The following NTM variants were observed in gnomAD, a reference collection of about 807,000 sequenced individuals.
NTM encodes the protein neurotrimin, also known as IgLON family member 2.
Under a neutral mutation model 42.1 loss-of-function variants are expected in NTM, and 13 were observed. The ratio of observed to expected loss-of-function variants is 0.31; its 90% confidence interval spans 0.20 to 0.49. NTM has a LOEUF of 0.49. Ranked by LOEUF, NTM falls within the 20% of genes least tolerant of loss-of-function variation. The probability of loss-of-function intolerance (pLI) is 0.99; values close to 1 mark genes in which losing one functional copy is unlikely to be tolerated. For synonymous variants in NTM, 187 were observed against 179.2 expected (o/e 1.04, Z -0.35); for missense variants, 373 against 452.8 (o/e 0.82, Z 1.60).
chr11:131,752,682 A>G (rs2082718401), intron 1 of NTM, among the ~76,000 whole-genome samples: 1 of 152,202 alleles, frequency 6.6e-6, no homozygotes, highest in African/African-American at 2.4e-5. Flanking sequence ...AATGTGGCAC[A>G]TACATATGTA....
chr11:132,139,203 G>GA (rs1167423834), intron 2 of NTM, among the ~76,000 whole-genome samples: 1 of 152,144 alleles, frequency 6.6e-6, no homozygotes, highest in Non-Finnish European at 1.5e-5. Context: ...TCACCTAGGG[G>GA]AAAAAGGCTC....
chr11:132,162,188 A>AGTGTGTACGTGG (rs1555292482), intron 3 of NTM, among the ~76,000 whole-genome samples: 2 of 150,136 alleles, frequency 1.3e-5, no homozygotes, highest in Non-Finnish European at 3.0e-5. Flanking sequence ...TTTTGGGGGG[A>AGTGTGTACGTGG]GTGTGTATGT....
intron 2 of NTM, among the ~76,000 whole-genome samples, chr11:132,006,311 A>T (rs2070770094): frequency 6.6e-6 from 1 of 152,252 alleles, no homozygotes; most frequent in South Asian, 2.1e-4. Context: ...AAACAGTTTT[A>T]TTTGTTTGTG....
chr11:131,810,082 G>A lies in NTM; in HGVS notation c.83-101482G>A, dbSNP rs1166450709. 2.6e-5 allele frequency among the ~76,000 whole-genome samples: 4 copies of A among 152,004 alleles called. No individual in the cohort carries two copies. The East Asian group carries it at 5.8e-4, about 22-fold the overall frequency. The stretch of plus-strand genomic sequence containing the variant: ...TCATAATCTCTACAGCTGCCCATTC[G>A]TCTTCTCGAGAAAGAGGGTTCATTA... On this transcript the variant is annotated intron_variant, in intron 1 of 8. Coordinates refer to ENST00000683400, the MANE Select transcript of NTM (RefSeq NM_001352005.2).
intron 1 of NTM, among the ~76,000 whole-genome samples, chr11:131,845,226 CA>C (rs1484732098): frequency 6.6e-6 from 1 of 151,956 alleles, no homozygotes; most frequent in African/African-American, 2.4e-5. Flanking sequence ...TTTTTTTCCT[CA>C]AAGTTGATTA....
chr11:131,694,216 G>T (rs2075148358), intron 1 of NTM, among the ~76,000 whole-genome samples: 1 of 152,208 alleles, frequency 6.6e-6, no homozygotes, highest in African/African-American at 2.4e-5. Context: ...TCGCATAGGA[G>T]AATTGTTCAA....
chr11:132,018,010 G>GT (rs1209658450), intron 2 of NTM, among the ~76,000 whole-genome samples: 2 of 151,906 alleles, frequency 1.3e-5, no homozygotes, highest in African/African-American at 2.4e-5. Flanking sequence ...AGTTCTAATA[G>GT]TTTTTTGTGC....
intron 2 of NTM, among the ~76,000 whole-genome samples, chr11:132,024,544 A>T (rs1301049471): frequency 3.9e-5 from 6 of 152,040 alleles, no homozygotes; most frequent in African/African-American, 1.5e-4. Context: ...TTTGTTTTTG[A>T]ATAGTTTCGA....
At chr11:131,926,497 G>T (rs552247694) in intron 2 of NTM, among the ~76,000 whole-genome samples, 3 of 152,146 alleles carry the variant, frequency 2.0e-5, no homozygotes, top group Admixed American at 6.5e-5. Flanking sequence ...TCGGCAAGTG[G>T]AATGACCTAG....
chr11:131,660,328 G>A (rs928309564), intron 1 of NTM: 1 of 367,736 alleles, frequency 2.7e-6, no homozygotes, highest in Admixed American at 3.5e-5. Context: ...AGGATGAAGA[G>A]GGGGATGGAG....
intron 2 of NTM, among the ~76,000 whole-genome samples, chr11:132,048,824 T>C (rs896783212): frequency 8.5e-6 from 1 of 117,330 alleles, no homozygotes; most frequent in Non-Finnish European, 2.1e-5. Flanking sequence ...TTTTCTTTTT[T>C]TTTTTTTTTT....
intron 1 of NTM, among the ~76,000 whole-genome samples, chr11:131,395,076 G>T (rs1054266118): frequency 6.6e-6 from 1 of 152,132 alleles, no homozygotes. Flanking sequence ...GGCCAAGGTG[G>T]CAGTGGGAGC....
intron 1 of NTM, among the ~76,000 whole-genome samples, chr11:131,765,588 T>C (rs1316918183): frequency 6.6e-6 from 1 of 152,236 alleles, no homozygotes; most frequent in Non-Finnish European, 1.5e-5. Flanking sequence ...ACTTATCTCA[T>C]GTATAACATG....
chr11:132,237,761 G>T (rs1200969509), intron 4 of NTM, among the ~76,000 whole-genome samples: 1 of 152,202 alleles, frequency 6.6e-6, no homozygotes, highest in Non-Finnish European at 1.5e-5. Context: ...TCCGTAGCCA[G>T]AGGAAATCTG....
intron 2 of NTM, among the ~76,000 whole-genome samples, chr11:132,104,286 T>C (rs750477186): frequency 1.3e-5 from 2 of 152,210 alleles, no homozygotes; most frequent in African/African-American, 2.4e-5. Flanking sequence ...GTAGAAATTT[T>C]TGAGTGATGA....
intron 2 of NTM, among the ~76,000 whole-genome samples, chr11:131,942,553 A>G (rs2059909395): frequency 1.3e-5 from 2 of 152,088 alleles, no homozygotes; most frequent in South Asian, 4.1e-4. Context: ...GACACATAAC[A>G]TTGTCTCTGC....
intron 2 of NTM, among the ~76,000 whole-genome samples, chr11:132,116,227 C>A (rs1018364037): frequency 6.6e-6 from 1 of 152,176 alleles, no homozygotes; most frequent in Non-Finnish European, 1.5e-5. Context: ...CACTTCCACA[C>A]ACTCCATAGG....
intron 2 of NTM, among the ~76,000 whole-genome samples, chr11:132,138,762 C>G (rs572211685): frequency 3.8e-4 from 58 of 152,082 alleles, no homozygotes; most frequent in Non-Finnish European, 7.5e-4. Context: ...GAGTGAAGTG[C>G]CCTTCCTCCA....
At chr11:132,050,196 C>A (rs1248970936) in intron 2 of NTM, among the ~76,000 whole-genome samples, 2 of 152,116 alleles carry the variant, frequency 1.3e-5, no homozygotes, top group East Asian at 3.9e-4. Context: ...TTCTCTTTCT[C>A]GTATTGCTAT....
Sources: allele counts gnomAD v4.1 joint callset (sites outside exome capture counted in the v4.1 genomes callset), GRCh38; gene constraint gnomAD v4.1.1; transcripts MANE v1.5; gene names NCBI Gene and HGNC (gene_info 2026-07-23, HGNC 2026-07-21).